The following LPP variants were observed in gnomAD, a reference collection of about 807,000 sequenced individuals.
LPP encodes lipoma-preferred partner.
A neutral mutation model predicts 60.4 loss-of-function variants in LPP; 38 were observed. The observed-to-expected ratio is 0.63, with a 90% CI of 0.49 to 0.83. LPP has a LOEUF of 0.83. LPP is among the 40% of genes least tolerant of loss of function. The probability of loss-of-function intolerance (pLI) is 0.00; values close to 1 mark genes in which losing one functional copy is unlikely to be tolerated. For synonymous variants in LPP, 328 were observed against 290.8 expected (o/e 1.13, Z -1.30); for missense variants, 902 against 783.6 (o/e 1.15, Z -1.80).
chr3:188,192,331 C>T (rs1194754674), intron 1 of LPP, among the ~76,000 whole-genome samples: 1 of 152,172 alleles, frequency 6.6e-6, no homozygotes, highest in Non-Finnish European at 1.5e-5. Context: ...CAGGACTTGA[C>T]TGGACAGTTG....
chr3:188,665,626 A>C (rs183982598), intron 7 of LPP, among the ~76,000 whole-genome samples: 251 of 151,816 alleles, frequency 1.7e-3, no homozygotes, highest in African/African-American at 5.6e-3. Context: ...CACCAGGCTA[A>C]TTTTTGTATT....
intron 2 of LPP, among the ~76,000 whole-genome samples, chr3:188,273,899 A>G (rs1481791491): frequency 6.6e-6 from 1 of 152,032 alleles, no homozygotes; most frequent in Non-Finnish European, 1.5e-5. Context: ...CTGGCCGTCT[A>G]TTTTATATCT....
intron 9 of LPP, among the ~76,000 whole-genome samples, chr3:188,772,695 G>A (rs1370668936): frequency 7.3e-5 from 11 of 151,656 alleles, no homozygotes; most frequent in Non-Finnish European, 1.3e-4. Context: ...GGGTTTCACC[G>A]TGTTAGCCAG....
At chr3:188,796,941 G>A (rs77679399) in intron 9 of LPP, among the ~76,000 whole-genome samples, 7,502 of 151,900 alleles carry the variant, frequency 0.049, 232 homozygotes, top group Non-Finnish European at 0.074. Flanking sequence ...TCTTCATCCC[G>A]TTTCCTGCCC....
At chr3:188,372,388 A>T (rs554614541) in intron 3 of LPP, among the ~76,000 whole-genome samples, 3 of 152,202 alleles carry the variant, frequency 2.0e-5, no homozygotes, top group South Asian at 4.1e-4. Context: ...TAAGAAAAAC[A>T]CTTCATGTCA....
intron 3 of LPP, among the ~76,000 whole-genome samples, chr3:188,349,400 A>G (rs1765247789): frequency 6.6e-6 from 1 of 152,218 alleles, no homozygotes; most frequent in African/African-American, 2.4e-5. Flanking sequence ...GTGAATGGAC[A>G]AATTACAGTG....
chr3:188,846,455 G>A (rs190690416), intron 9 of LPP, among the ~76,000 whole-genome samples: 6 of 152,174 alleles, frequency 3.9e-5, no homozygotes, highest in South Asian at 2.1e-4. Flanking sequence ...AGGCTGAGGC[G>A]GGCGGATCAC....
chr3:188,565,481 A>G (rs1293829660), intron 6 of LPP, among the ~76,000 whole-genome samples: 2 of 151,954 alleles, frequency 1.3e-5, no homozygotes, highest in Admixed American at 1.3e-4. Flanking sequence ...AAAACGGTTT[A>G]TCTGTAAACC....
intron 1 of LPP, among the ~76,000 whole-genome samples, chr3:188,168,809 A>T (rs1053734327): frequency 1.3e-5 from 2 of 152,252 alleles, no homozygotes; most frequent in African/African-American, 4.8e-5. Context: ...ATAGAACTTC[A>T]GTTAAGCATT....
At chr3:188,777,707 G>A (rs1372120167) in intron 9 of LPP, among the ~76,000 whole-genome samples, 4 of 152,072 alleles carry the variant, frequency 2.6e-5, no homozygotes, top group Non-Finnish European at 4.4e-5. Context: ...CTCCACTGGC[G>A]TTCTGTTAAT....
intron 9 of LPP, among the ~76,000 whole-genome samples, chr3:188,801,422 G>A (rs1457308178): frequency 1.3e-5 from 2 of 152,002 alleles, no homozygotes; most frequent in African/African-American, 2.4e-5. Flanking sequence ...AGGCACATAC[G>A]TCTATAAACA....
intron 9 of LPP, among the ~76,000 whole-genome samples, chr3:188,859,154 G>A (rs1764580900): frequency 6.7e-6 from 1 of 149,834 alleles, no homozygotes; most frequent in Admixed American, 6.7e-5. Context: ...CCCTTCATCA[G>A]TGCTGCTCAA....
rs527574106 is a variant in LPP, at chr3:188,778,794, T to TA, written c.1410+18516dup. ...AAGTTCTATTTACCCTGAGGAGATATAAAACTTTGTGACTGCCACTAAATT... is the reference window on the plus strand; with the variant it reads ...AAGTTCTATTTACCCTGAGGAGATATAAAAACTTTGTGACTGCCACTAAATT... On this transcript the variant is annotated intron_variant, in intron 9 of 11. Coordinates refer to ENST00000617246, the MANE Select transcript of LPP (RefSeq NM_001375462.1). Among the ~76,000 whole-genome samples the TA allele has an allele frequency of 5.3e-5, 8 of 152,290 alleles. No individual in the cohort carries two copies. The South Asian group carries it at 1.7e-3, about 32-fold the overall frequency.
At chr3:188,753,584 T>C (rs1280809044) in intron 8 of LPP, among the ~76,000 whole-genome samples, 3 of 131,602 alleles carry the variant, frequency 2.3e-5, no homozygotes, top group South Asian at 2.2e-4. Flanking sequence ...TGTGTGCGTG[T>C]GTGTGTGTGT....
intron 3 of LPP, among the ~76,000 whole-genome samples, chr3:188,404,920 G>A (rs1783082088): frequency 6.6e-6 from 1 of 152,178 alleles, no homozygotes; most frequent in Admixed American, 6.5e-5. Context: ...CTCATCCCCA[G>A]CAGGCAGGCT....
At chr3:188,674,681 C>T (rs1195176816) in intron 7 of LPP, among the ~76,000 whole-genome samples, 1 of 152,172 alleles carries the variant, frequency 6.6e-6, no homozygotes, top group Non-Finnish European at 1.5e-5. Context: ...CATAATAACC[C>T]TGCTAGATAA....
intron 6 of LPP, among the ~76,000 whole-genome samples, chr3:188,527,745 C>T (rs1188695948): frequency 7.4e-6 from 1 of 134,808 alleles, no homozygotes. Flanking sequence ...CTTTTTTGTG[C>T]TCCCTTTCCT....
intron 5 of LPP, among the ~76,000 whole-genome samples, chr3:188,489,053 G>A (rs778708433): frequency 6.6e-5 from 10 of 152,294 alleles, no homozygotes; most frequent in Middle Eastern, 3.4e-3. Context: ...AAGAAGTCAC[G>A]TGTCTCAGAA....
chr3:188,329,961 A>G lies in LPP; in HGVS notation c.-66-11702A>G, dbSNP rs184611787. ...ATCATCCTTTATATCACTATAACCC[A>G]TCTTACTAGGCAAACTGTGCCCTTT... On this transcript the variant is annotated intron_variant, in intron 2 of 11. Coordinates refer to ENST00000617246, the MANE Select transcript of LPP (RefSeq NM_001375462.1). 4.4e-4 allele frequency among the ~76,000 whole-genome samples: 67 copies of G among 152,312 alleles called. 2 individuals are homozygous for G. The South Asian group carries it at 7.7e-3, about 17-fold the overall frequency.
Sources: allele counts gnomAD v4.1 joint callset (sites outside exome capture counted in the v4.1 genomes callset), GRCh38; gene constraint gnomAD v4.1.1; transcripts MANE v1.5; gene names NCBI Gene and HGNC (gene_info 2026-07-23, HGNC 2026-07-21).